The following ESRRG variants were observed in gnomAD, a reference collection of about 807,000 sequenced individuals.
ESRRG encodes the protein estrogen related receptor gamma, also known as estrogen-related receptor gamma.
Under a neutral mutation model 44.0 loss-of-function variants are expected in ESRRG, and 13 were observed. The ratio of observed to expected loss-of-function variants is 0.30; its 90% confidence interval spans 0.19 to 0.47. The LOEUF (loss-of-function observed/expected upper bound fraction) is 0.47. Ranked by LOEUF, ESRRG falls within the 20% of genes least tolerant of loss-of-function variation. The pLI is 1.00. For missense variants in ESRRG, 395 were observed against 580.6 expected (o/e 0.68, Z 3.29); for synonymous variants, 215 against 214.6 (o/e 1.00, Z -0.02).
At chr1:216,915,936 T>C (rs1219804711) in intron 2 of ESRRG, among the ~76,000 whole-genome samples, 2 of 152,180 alleles carry the variant, frequency 1.3e-5, no homozygotes, top group Admixed American at 1.3e-4. Context: ...CTAGGAGATC[T>C]TGTGAACTAT....
chr1:216,620,550 G>A (rs186356754), intron 3 of ESRRG, among the ~76,000 whole-genome samples: 77 of 152,272 alleles, frequency 5.1e-4, no homozygotes, highest in Non-Finnish European at 9.1e-4. Context: ...AGGCCTAATT[G>A]TGACAATAAG....
intron 6 of ESRRG, among the ~76,000 whole-genome samples, chr1:216,517,375 CTAAT>C (rs1485502464): frequency 1.3e-5 from 2 of 152,106 alleles, no homozygotes; most frequent in Non-Finnish European, 2.9e-5. Context: ...AATGCTGCTA[CTAAT>C]TAATTCAGTT....
chr1:216,887,071 T>A (rs1260544288), intron 2 of ESRRG, among the ~76,000 whole-genome samples: 2 of 152,106 alleles, frequency 1.3e-5, no homozygotes, highest in Admixed American at 6.6e-5. Context: ...TTTGGGCAGT[T>A]ATCCACAACT....
At chr1:216,766,581 C>T (rs1225392602) in intron 2 of ESRRG, among the ~76,000 whole-genome samples, 1 of 151,342 alleles carries the variant, frequency 6.6e-6, no homozygotes, top group Non-Finnish European at 1.5e-5. Context: ...GGTTTCAGTG[C>T]TAAAAAAAAA....
At chr1:217,069,284 G>T (rs771911646) in intron 1 of ESRRG, among the ~76,000 whole-genome samples, 1 of 152,118 alleles carries the variant, frequency 6.6e-6, no homozygotes, top group Non-Finnish European at 1.5e-5. Flanking sequence ...TCAATTTTGG[G>T]ACTGGAACTG....
chr1:217,020,800 TCTC>T (rs2080177897), intron 1 of ESRRG, among the ~76,000 whole-genome samples: 2 of 152,222 alleles, frequency 1.3e-5, no homozygotes, highest in African/African-American at 2.4e-5. Context: ...CTACGTGATG[TCTC>T]ATTTGTTGTG....
rs562691055 is a variant in ESRRG, at chr1:217,095,130, C to G, written c.-230+42537G>C. Among the ~76,000 whole-genome samples the G allele has an allele frequency of 1.6e-4, 24 of 152,280 alleles. 1 individual carries two copies. The South Asian group carries it at 4.4e-3, about 28-fold the overall frequency. ...ATGACTCCAGAAAGGTTAAGAACCACTGATGTAAGAATCATTTATTTAAAA... is the reference window on the plus strand; with the variant it reads ...ATGACTCCAGAAAGGTTAAGAACCAGTGATGTAAGAATCATTTATTTAAAA... On this transcript the variant is annotated intron_variant, in intron 1 of 8. Coordinates refer to the ESRRG transcript ENST00000366940.
At chr1:217,013,512 C>G (rs1008887405) in intron 1 of ESRRG, among the ~76,000 whole-genome samples, 1 of 152,192 alleles carries the variant, frequency 6.6e-6, no homozygotes, top group Non-Finnish European at 1.5e-5. Context: ...GAAGGACAGA[C>G]AGTCCATAAT....
chr1:216,598,284 T>C (rs1219680245), intron 3 of ESRRG, among the ~76,000 whole-genome samples: 1 of 152,256 alleles, frequency 6.6e-6, no homozygotes. Flanking sequence ...ATTTAAGCTC[T>C]AAGCAGGTTT....
chr1:217,097,204 G>A (rs1228000871), intron 1 of ESRRG, among the ~76,000 whole-genome samples: 1 of 151,994 alleles, frequency 6.6e-6, no homozygotes, highest in Non-Finnish European at 1.5e-5. Context: ...ACAGACCCAT[G>A]AAGCTTATCC....
intron 1 of ESRRG, among the ~76,000 whole-genome samples, chr1:217,068,517 G>A (rs942504849): frequency 7.2e-5 from 11 of 151,852 alleles, no homozygotes; most frequent in African/African-American, 1.9e-4. Context: ...TCTAGTCTTC[G>A]GCTATATTTT....
intron 1 of ESRRG, among the ~76,000 whole-genome samples, chr1:217,112,066 T>C (rs2092667637): frequency 1.3e-5 from 2 of 152,082 alleles, no homozygotes; most frequent in South Asian, 2.1e-4. Context: ...GAGTGATCCA[T>C]TTGCACATAC....
intron 1 of ESRRG, among the ~76,000 whole-genome samples, chr1:216,984,151 T>C (rs1183739296): frequency 6.6e-6 from 1 of 152,098 alleles, no homozygotes; most frequent in Non-Finnish European, 1.5e-5. Context: ...GTGCTTTGTT[T>C]CTTGAAACAA....
chr1:216,589,551 T>C (rs2057291419), intron 3 of ESRRG, among the ~76,000 whole-genome samples: 1 of 151,998 alleles, frequency 6.6e-6, no homozygotes, highest in African/African-American at 2.4e-5. Context: ...AAGCAATAAG[T>C]GTAACCAGAG....
chr1:216,749,029 C>T (rs1333365766), intron 2 of ESRRG, among the ~76,000 whole-genome samples: 3 of 152,112 alleles, frequency 2.0e-5, no homozygotes, highest in African/African-American at 7.2e-5. Flanking sequence ...TTTGTCATGG[C>T]TCCATGCTCT....
At chr1:216,519,897 G>C (rs1298982213) in intron 5 of ESRRG, among the ~76,000 whole-genome samples, 1 of 151,360 alleles carries the variant, frequency 6.6e-6, no homozygotes, top group East Asian at 1.9e-4. Context: ...ATAGAGCTCA[G>C]CACAACTTGG....
chr1:217,092,761 C>T (rs972322852), upstream of ESRRG, among the ~76,000 whole-genome samples: 14 of 152,172 alleles, frequency 9.2e-5, no homozygotes, highest in African/African-American at 2.9e-4. Flanking sequence ...GTGCTAAGTA[C>T]AACACTGGCT....
rs1047018446 is a variant in ESRRG, at chr1:217,029,501, G to T, written c.-106+60006C>A. Among the ~76,000 whole-genome samples, 17 of 152,274 alleles carry T rather than the reference G, an allele frequency of 1.1e-4. No individual in the cohort carries two copies. In the Middle Eastern group the frequency reaches 0.01, roughly 91 times the overall value. On this transcript the variant is annotated intron_variant, in intron 1 of 7. Transcript: ENST00000359162. ...TGGACTGACTTACACAACAGGTCCT[G>T]CCAGTTGTCATAAAGTTAATTTTCT...
At chr1:216,580,682 T>C (rs969283236) in intron 3 of ESRRG, among the ~76,000 whole-genome samples, 2 of 152,192 alleles carry the variant, frequency 1.3e-5, no homozygotes, top group Non-Finnish European at 2.9e-5. Flanking sequence ...TGTTAAGCTC[T>C]CTTCCAGTTC....
Sources: gnomAD v4.1 joint callset for allele counts (sites outside exome capture counted in the v4.1 genomes callset) on GRCh38, gnomAD v4.1.1 for gene constraint, MANE v1.5 for transcripts, NCBI Gene and HGNC (gene_info 2026-07-23, HGNC 2026-07-21) for gene names.